SMC4: variants seen among roughly 807,000 people sequenced by gnomAD.
SMC4 encodes the protein structural maintenance of chromosomes protein 4.
In SMC4, 87 loss-of-function variants were observed where a neutral mutation model predicts 145.6. That is an observed-to-expected ratio of 0.60 (90% CI 0.50 to 0.71). The LOEUF (loss-of-function observed/expected upper bound fraction) is 0.71, where lower values mean the gene tolerates loss of function less well. Among genes scored for constraint, SMC4 ranks in the 30% least tolerant of loss-of-function variants. The probability of loss-of-function intolerance (pLI) is 0.00; values close to 1 mark genes in which losing one functional copy is unlikely to be tolerated. For synonymous variants in SMC4, 558 were observed against 500.7 expected (o/e 1.11, Z -1.53); for missense variants, 1,447 against 1,537.1 (o/e 0.94, Z 0.98).
At position 160,420,725 on chromosome 3, in the gene SMC4, A is replaced by C. The variant is rs2108484853; in HGVS notation, c.1858-15A>C. On this transcript the variant is annotated splice_polypyrimidine_tract_variant and intron_variant, in intron 12 of 23. Coordinates refer to ENST00000357388, the MANE Select transcript of SMC4 (RefSeq NM_001002800.3). ...TTCTGCCTAACTCTTTTTTCACCCC[A>C]CTCTTCATTATTAGGGGGACTTAGG... 2.5e-6 allele frequency: 4 copies of C among 1,608,008 alleles called. No individual in the cohort carries two copies. Among genetic ancestry groups the C allele is most frequent in the Non-Finnish European group, 3.4e-6 (4 of 1,178,420 alleles).
chr3:160,411,907 CTT>C lies in SMC4; in HGVS notation c.688-6_688-5del. 1 of 1,607,624 alleles carries C rather than the reference CTT, an allele frequency of 6.2e-7. No individual in the cohort carries two copies. The highest frequency in any genetic ancestry group is 1.1e-5 in the South Asian group (1 of 90,500). On this transcript the variant is annotated splice_polypyrimidine_tract_variant and intron_variant, in intron 5 of 23. Transcript: ENST00000357388. Reference sequence around the variant, plus strand: ...CATACACAGTGAGTATGAAATATAACTTTTTTTTAAAGGGTGAAGTTGAACAA... The same window carrying C: ...CATACACAGTGAGTATGAAATATAACTTTTTTAAAGGGTGAAGTTGAACAA...
In SMC4 at chr3:160,422,994, C is replaced by T. The variant is rs141651662; in HGVS notation, c.2020-431C>T. ...TATTTCTGGGCTTTCAGTTTTATTA[C>T]TTGTGCTGGTATAGGACACTGTCTT... On this transcript the variant is annotated intron_variant, in intron 13 of 23. Coordinates refer to ENST00000357388, the MANE Select transcript of SMC4 (RefSeq NM_001002800.3). 1.4e-4 allele frequency among the ~76,000 whole-genome samples: 21 copies of T among 152,254 alleles called. No individual in the cohort carries two copies. In the East Asian group the frequency reaches 4.1e-3, roughly 29 times the overall value.
intron 19 of SMC4, 122 bp downstream of exon 19, chr3:160,430,865 A>G: frequency 7.9e-7 from 1 of 1,263,294 alleles, no homozygotes; most frequent in Non-Finnish European, 1.1e-6. Flanking sequence ...TATAACTATC[A>G]ATTTTTATTT....
intron 11 of SMC4, among the ~76,000 whole-genome samples, chr3:160,418,896 T>G (rs943451707): frequency 6.6e-6 from 1 of 152,182 alleles, no homozygotes; most frequent in East Asian, 1.9e-4. Context: ...CAGTCATCTT[T>G]CGTTTCAGAG....
chr3:160,433,189 A>G lies in SMC4; in HGVS notation c.3694A>G (p.Ile1232Val). The G allele has an allele frequency of 1.2e-6, 2 of 1,612,558 alleles. No individual in the cohort carries two copies. Among genetic ancestry groups the G allele is most frequent in the African/African-American group, 1.3e-5 (1 of 74,936 alleles). Residue 1232 changes from isoleucine (I) to valine (V), a missense_variant, in exon 23 of 24, where the codon ATT becomes GTT. By Grantham distance (29) the Ile-to-Val change is conservative. Transcript: ENST00000357388. ...DAALDFKNVS[I>V]VAFYIYEQTK... Reference sequence around the variant, plus strand: ...AGCCCTTGATTTTAAAAATGTGTCCATTGTTGCATTTTATATATATGTAAG... The same window carrying G: ...AGCCCTTGATTTTAAAAATGTGTCCGTTGTTGCATTTTATATATATGTAAG...
intron 13 of SMC4, among the ~76,000 whole-genome samples, chr3:160,422,679 T>C (rs938405931): frequency 6.6e-6 from 1 of 152,218 alleles, no homozygotes; most frequent in African/African-American, 2.4e-5. Context: ...ATCTTTTTTT[T>C]CCTTTGGTTG....
chr3:160,434,741 A>G lies in SMC4; in HGVS notation c.*932A>G, dbSNP rs536398569. On this transcript the variant is annotated 3_prime_UTR_variant, in exon 24 of 24. Transcript: ENST00000357388. ...AAGTTGGCAACCACTTGGTTTTTGG[A>G]AGGACTTTCGGTATTGTATTAGAAG... 7.9e-5 allele frequency: 12 copies of G among 152,322 alleles called. 1 individual carries two copies. In the South Asian group the frequency reaches 2.5e-3, roughly 32 times the overall value. The allele number at this position is 152,322 out of a possible 1,614,324, so 9.4% of individuals were successfully genotyped here.
chr3:160,412,967 C>T (rs1013707520), intron 7 of SMC4: 11 of 224,790 alleles, frequency 4.9e-5, no homozygotes, highest in African/African-American at 2.4e-4. Flanking sequence ...TTGAGATGGG[C>T]TGTTTCACCC....
Position 160,431,837 on chromosome 3 carries a change from C to T in SMC4, c.3297+12C>T. Reference sequence around the variant, plus strand: ...AGTATAAAAAGAAGGTATGAATGAACTGTGTATGTATACTAGTTGGAGTTC... The same window carrying T: ...AGTATAAAAAGAAGGTATGAATGAATTGTGTATGTATACTAGTTGGAGTTC... On this transcript the variant is annotated intron_variant, in intron 21 of 23. Transcript: ENST00000357388. 5.6e-6 allele frequency: 9 copies of T among 1,607,428 alleles called. No homozygotes were observed. The highest frequency in any genetic ancestry group is 7.6e-6 in the Non-Finnish European group (9 of 1,177,668).
intron 5 of SMC4, 59 bp from the exon 6 acceptor site, chr3:160,411,861 C>G: frequency 6.9e-7 from 1 of 1,454,576 alleles, no homozygotes; most frequent in Non-Finnish European, 9.4e-7. Flanking sequence ...CCAATTCTCA[C>G]TTAAGATTGA....
At chr3:160,412,508 C>A in intron 7 of SMC4, 55 bp downstream of exon 7, 1 of 1,506,336 alleles carries the variant, frequency 6.6e-7, no homozygotes, top group South Asian at 1.3e-5. Context: ...ACCATTAAGT[C>A]AAAGCCCTTC....
chr3:160,431,735 A>G lies in SMC4; in HGVS notation c.3207A>G (p.Pro1069=). ...AGGATCTTGAAGCGATCAAGAATCCAGATTCTATAACAAATCAAATTGCAC... is the reference window on the plus strand; with the variant it reads ...AGGATCTTGAAGCGATCAAGAATCCGGATTCTATAACAAATCAAATTGCAC... The part of the protein sequence containing the change: ...SPEDLEAIKN[P]DSITNQIALL... The change falls in exon 21 of 24, where the codon CCA becomes CCG. Residue 1069 remains proline (P), a synonymous_variant. Coordinates refer to ENST00000357388, the MANE Select transcript of SMC4 (RefSeq NM_001002800.3). 1 of 1,614,000 alleles carries G rather than the reference A, an allele frequency of 6.2e-7. No homozygotes were observed. Among genetic ancestry groups the G allele is most frequent in the Non-Finnish European group, 8.5e-7 (1 of 1,179,970 alleles).
Position 160,402,011 on chromosome 3 carries a change from C to T in SMC4, c.236C>T (p.Ala79Val). 6.2e-7 allele frequency: 1 copy of T among 1,602,146 alleles called. No homozygotes were observed. Among genetic ancestry groups the T allele is most frequent in the Non-Finnish European group, 8.5e-7 (1 of 1,175,094 alleles). The change falls in exon 3 of 24, where the codon GCT becomes GTT. Residue 79 changes from alanine (A) to valine (V), a missense_variant. Ala to Val is a moderately conservative substitution (Grantham distance 64). Transcript: ENST00000357388. ...PPPAMTNEAG[A>V]PRLMITHIVN... Reference sequence around the variant, plus strand: ...CCAGCAATGACCAATGAAGCTGGAGCTCCTCGGCTTATGATAACTCATATT... The same window carrying T: ...CCAGCAATGACCAATGAAGCTGGAGTTCCTCGGCTTATGATAACTCATATT...
Position 160,431,825 on chromosome 3 carries a change from G to A in SMC4, c.3297G>A (p.Lys1099=). The A allele has an allele frequency of 6.2e-7, 1 of 1,610,902 alleles. No homozygotes were observed. Among genetic ancestry groups the A allele is most frequent in the Non-Finnish European group, 8.5e-7 (1 of 1,179,242 alleles). ...GTGCCATCGCAGAGTATAAAAAGAA[G>A]GTATGAATGAACTGTGTATGTATAC... ...NLGAIAEYKK[K]EELYLQRVAE... is the part of the protein sequence containing the mutation. The change falls in exon 21 of 24, where the codon AAG becomes AAA. Residue 1099 remains lysine (K), a splice_region_variant and synonymous_variant. Transcript: ENST00000357388.
intron 13 of SMC4, among the ~76,000 whole-genome samples, chr3:160,422,891 T>C (rs1382866217): frequency 6.6e-6 from 1 of 152,202 alleles, no homozygotes; most frequent in Non-Finnish European, 1.5e-5. Flanking sequence ...TCCAACACCA[T>C]TTGTTGAAAA....
Position 160,416,392 on chromosome 3 carries a change from C to T in SMC4, c.1414C>T (p.Gln472Ter), listed in dbSNP as rs755630178. 1 of 1,473,540 alleles carries T rather than the reference C, an allele frequency of 6.8e-7. No individual in the cohort carries two copies. The highest frequency in any genetic ancestry group is 9.0e-7 in the Non-Finnish European group (1 of 1,113,728). The allele number at this position is 1,473,540 out of a possible 1,614,324, so 91.3% of individuals were successfully genotyped here. Residue 472 changes from glutamine (Q) to a stop codon, truncating the protein, a stop_gained, in exon 10 of 24, where the codon CAA becomes TAA. Coordinates refer to ENST00000357388, the MANE Select transcript of SMC4 (RefSeq NM_001002800.3). LOFTEE classifies it high-confidence loss of function. ...EVMDSLKQETQGLQKEKESRE... is the reference protein window; with the variant it reads ...EVMDSLKQET ...TATGGATAGCCTTAAACAGGAAACA[C>T]AAGGGCTTCAGAAAGAAAAAGAAGT...
At chr3:160,429,271 TAAAAG>T (rs778704437) in intron 18 of SMC4, among the ~76,000 whole-genome samples, 3 of 152,284 alleles carry the variant, frequency 2.0e-5, no homozygotes, top group South Asian at 4.2e-4. Flanking sequence ...ATACAGGCCT[TAAAAG>T]AATAAGTAAA....
chr3:160,428,892 A>C lies in SMC4; in HGVS notation c.2745A>C (p.Glu915Asp). The change falls in exon 18 of 24, where the codon GAA becomes GAC. Residue 915 changes from glutamate to aspartate, a missense_variant. Coordinates refer to ENST00000357388, the MANE Select transcript of SMC4 (RefSeq NM_001002800.3). ...ATAAAATAAATAAGCAATTAGATGA[A>C]TGTGCTTCTGCTATTACTAAAGCCC... ...KLDKINKQLD[E>D]CASAITKAQV... The C allele has an allele frequency of 1.9e-6, 3 of 1,602,996 alleles. No homozygotes were observed. Among genetic ancestry groups the C allele is most frequent in the Non-Finnish European group, 2.5e-6 (3 of 1,177,672 alleles).
chr3:160,412,107 T>C (rs748875029), intron 6 of SMC4, 23 bp downstream of exon 6: 1 of 1,599,018 alleles, frequency 6.3e-7, no homozygotes, highest in South Asian at 1.1e-5. Context: ...TAGACTTTCA[T>C]TGTAAATCAG....
Sources: gnomAD v4.1 joint callset for allele counts (sites outside exome capture counted in the v4.1 genomes callset) on GRCh38, gnomAD v4.1.1 for gene constraint, MANE v1.5 for transcripts, NCBI Gene and HGNC (gene_info 2026-07-23, HGNC 2026-07-21) for gene names.